FGF14: variants seen among roughly 807,000 people sequenced by gnomAD.
The protein encoded by FGF14 is fibroblast growth factor 14.
A neutral mutation model predicts 25.5 loss-of-function variants in FGF14; 5 were observed. The ratio of observed to expected loss-of-function variants is 0.20; its 90% CI spans 0.10 to 0.41. The LOEUF (loss-of-function observed/expected upper bound fraction) is 0.41, where lower values mean the gene tolerates loss of function less well. Among genes scored for constraint, FGF14 ranks in the 10% least tolerant of loss-of-function variants. FGF14 has a pLI of 1.00. For missense variants in FGF14, 222 were observed against 320.1 expected, an observed-to-expected ratio of 0.69 and a Z score of 2.34; for synonymous variants, 138 against 118.3, an observed-to-expected ratio of 1.17 and a Z score of -1.08.
intron 1 of FGF14, among the ~76,000 whole-genome samples, chr13:102,129,743 G>A (rs2046110962): frequency 6.6e-6 from 1 of 152,006 alleles, no homozygotes; most frequent in Non-Finnish European, 1.5e-5. Flanking sequence ...TGTAAATGAT[G>A]AGTTAATGGG....
At chr13:102,061,016 G>A (rs549455082) in intron 1 of FGF14, among the ~76,000 whole-genome samples, 1 of 152,330 alleles carries the variant, frequency 6.6e-6, no homozygotes, top group South Asian at 2.1e-4. Context: ...TAAGGGCCAT[G>A]GGAGGAGAGC....
At chr13:102,220,638 CAG>C (rs1458997360) in intron 1 of FGF14, among the ~76,000 whole-genome samples, 3 of 152,172 alleles carry the variant, frequency 2.0e-5, no homozygotes, top group South Asian at 4.1e-4. Context: ...TTTAAAATAA[CAG>C]AGTTTTTCAA....
At chr13:102,056,744 T>A (rs2042447391) in intron 1 of FGF14, among the ~76,000 whole-genome samples, 2 of 150,480 alleles carry the variant, frequency 1.3e-5, no homozygotes, top group South Asian at 4.2e-4. Context: ...AATACCAGAA[T>A]TATATTGTTT....
intron 1 of FGF14, among the ~76,000 whole-genome samples, chr13:102,242,841 C>G (rs777884318): frequency 2.0e-5 from 3 of 152,126 alleles, no homozygotes; most frequent in Non-Finnish European, 2.9e-5. Flanking sequence ...GAATACTACT[C>G]CCTCCAGTGT....
rs141846203 is a variant in FGF14, at chr13:101,956,046, A to G, written c.209-80750T>C. Among the ~76,000 whole-genome samples the G allele has an allele frequency of 4.6e-3, 706 of 152,328 alleles. 4 individuals carry two copies. Among genetic ancestry groups the G allele is most frequent in the Non-Finnish European group, 8.0e-3 (547 of 68,014 alleles). On this transcript the variant is annotated intron_variant, in intron 1 of 4. Coordinates refer to the FGF14 transcript ENST00000376131. ...AGACTCAGAGAGAAATATAAGGAAG[A>G]AACAAAGTGGTCTATAAAAATATTG...
intron 1 of FGF14, among the ~76,000 whole-genome samples, chr13:102,323,186 C>T (rs911516542): frequency 6.6e-6 from 1 of 152,138 alleles, no homozygotes; most frequent in South Asian, 2.1e-4. Flanking sequence ...TTTGACACAT[C>T]GCAGTATATG....
At chr13:102,161,540 T>A (rs566585289) in intron 1 of FGF14, among the ~76,000 whole-genome samples, 56 of 149,312 alleles carry the variant, frequency 3.8e-4, no homozygotes, top group Admixed American at 1.6e-3. Context: ...AAAATATCAA[T>A]ATTCTCTATG....
At chr13:101,801,162 C>T (rs755611136) in intron 3 of FGF14, among the ~76,000 whole-genome samples, 5 of 152,118 alleles carry the variant, frequency 3.3e-5, no homozygotes, top group Non-Finnish European at 5.9e-5. Context: ...CTTTTCTTCA[C>T]GTGATTGAAA....
intron 1 of FGF14, among the ~76,000 whole-genome samples, chr13:102,326,726 GGAAGGAAGGAAGGAAGGAAGGAAGGAAA>G (rs2056455861): frequency 3.9e-5 from 4 of 102,784 alleles, no homozygotes; most frequent in African/African-American, 1.8e-4. Context: ...AAGGAAGGAA[GGAAGGAAGGAAGGAAGGAAGGAAGGAAA>G]GAGGGAGGGA....
intron 1 of FGF14, among the ~76,000 whole-genome samples, chr13:102,105,910 AACAT>A (rs1168739109): frequency 6.6e-6 from 1 of 152,212 alleles, no homozygotes; most frequent in African/African-American, 2.4e-5. Context: ...ATCAATTGCC[AACAT>A]ACATTTCAAC....
intron 1 of FGF14, among the ~76,000 whole-genome samples, chr13:101,915,694 A>C (rs2033399555): frequency 1.3e-5 from 2 of 152,248 alleles, no homozygotes; most frequent in South Asian, 2.1e-4. Flanking sequence ...TCACCTTTAT[A>C]TAGTAACGGC....
intron 1 of FGF14, among the ~76,000 whole-genome samples, chr13:102,136,659 G>C (rs78994406): frequency 7.9e-6 from 1 of 127,042 alleles, no homozygotes; most frequent in African/African-American, 3.7e-5. Flanking sequence ...TAAATTCTAT[G>C]GGAAAAAAAA....
intron 1 of FGF14, among the ~76,000 whole-genome samples, chr13:102,101,725 G>T (rs1229902303): frequency 2.0e-5 from 3 of 151,242 alleles, no homozygotes; most frequent in African/African-American, 7.3e-5. Context: ...TTTTCTTTGA[G>T]ATGGAGTCTC....
chr13:101,722,849 G>T lies in FGF14; in HGVS notation c.726C>A (p.Asn242Lys), dbSNP rs1366997044. The change falls in exon 5 of 5, where the codon AAC (asparagine) becomes AAA (lysine). Residue 242 changes from asparagine to lysine, a missense_variant. Coordinates refer to ENST00000376143, the MANE Select transcript of FGF14 (RefSeq NM_004115.4). ...GATCTGGCTATGTTGTCTTACTCTT[G>T]TTGACTGGTTTGCCTCCATTCATTA... is the stretch of plus-strand genomic sequence containing the variant. ...SAIMNGGKPV[N>K]KSKTT 1 of 1,613,328 alleles carries T rather than the reference G, an allele frequency of 6.2e-7. No individual in the cohort carries two copies. The highest frequency in any genetic ancestry group is 8.5e-7 in the Non-Finnish European group (1 of 1,179,546).
At chr13:102,097,786 GT>G (rs2044470966) in intron 1 of FGF14, among the ~76,000 whole-genome samples, 1 of 152,192 alleles carries the variant, frequency 6.6e-6, no homozygotes, top group African/African-American at 2.4e-5. Flanking sequence ...TCTGAGGAGT[GT>G]TTGAAGCCAC....
At chr13:102,142,854 G>A (rs1259239053) in intron 1 of FGF14, among the ~76,000 whole-genome samples, 1 of 152,172 alleles carries the variant, frequency 6.6e-6, no homozygotes, top group African/African-American at 2.4e-5. Flanking sequence ...GTTAATAGAT[G>A]TTCATTCAAT....
At chr13:101,896,566 C>G (rs1019401695) in intron 1 of FGF14, among the ~76,000 whole-genome samples, 1 of 152,164 alleles carries the variant, frequency 6.6e-6, no homozygotes, top group South Asian at 2.1e-4. Flanking sequence ...AACATTAATG[C>G]TTTTAACAGC....
intron 1 of FGF14, among the ~76,000 whole-genome samples, chr13:101,884,520 A>G (rs1316964717): frequency 1.3e-5 from 2 of 152,122 alleles, no homozygotes; most frequent in Non-Finnish European, 2.9e-5. Flanking sequence ...GCTAGATTCC[A>G]GGTGCCTAGA....
chr13:101,718,169 C>G lies in FGF14; in HGVS notation c.*4662G>C, dbSNP rs996096702. 1 of 152,016 alleles carries G rather than the reference C, an allele frequency of 6.6e-6. No homozygotes were observed. The highest frequency in any genetic ancestry group is 2.4e-5 in the African/African-American group (1 of 41,404). The allele number at this position is 152,016 out of a possible 1,614,324, so 9.4% of individuals were successfully genotyped here. ...AATGGTACCTAAACTCTAAGGAATGCTTTTTCTTTGAAAACAGAAATATTT... is the reference window on the plus strand; with the variant it reads ...AATGGTACCTAAACTCTAAGGAATGGTTTTTCTTTGAAAACAGAAATATTT... On this transcript the variant is annotated 3_prime_UTR_variant, in exon 5 of 5. Transcript: ENST00000376143.
Sources: gnomAD v4.1 joint callset for allele counts (sites outside exome capture counted in the v4.1 genomes callset) on GRCh38, gnomAD v4.1.1 for gene constraint, MANE v1.5 for transcripts, NCBI Gene and HGNC (gene_info 2026-07-23, HGNC 2026-07-21) for gene names.